RARS2: variants seen among roughly 807,000 people sequenced by gnomAD.
RARS2 encodes arginyl-tRNA synthetase 2, mitochondrial.
A neutral mutation model predicts 88.5 loss-of-function variants in RARS2; 67 were observed. The ratio of observed to expected loss-of-function variants is 0.76; its 90% confidence interval spans 0.62 to 0.93. The LOEUF (loss-of-function observed/expected upper bound fraction) is 0.93, where lower values mean the gene tolerates loss of function less well. Among genes scored for constraint, RARS2 ranks in the 40% least tolerant of loss-of-function variants. The probability of loss-of-function intolerance (pLI) is 0.00; values close to 1 mark genes in which losing one functional copy is unlikely to be tolerated. For missense variants in RARS2, 664 were observed against 684.2 expected, an observed-to-expected ratio of 0.97 and a Z score of 0.33; for synonymous variants, 239 against 230.3, an observed-to-expected ratio of 1.04 and a Z score of -0.34.
At chr6:87,524,270 G>T (rs902168786) in intron 11 of RARS2, among the ~76,000 whole-genome samples, 1 of 152,110 alleles carries the variant, frequency 6.6e-6, no homozygotes, top group Admixed American at 6.5e-5. Flanking sequence ...TTCTCCCTCA[G>T]CCTGCTTTAC....
chr6:87,582,535 G>C (rs996054541), intron 1 of RARS2, among the ~76,000 whole-genome samples: 1 of 152,152 alleles, frequency 6.6e-6, no homozygotes, highest in Non-Finnish European at 1.5e-5. Flanking sequence ...TAGGTTGCCT[G>C]TTTGCTCTGA....
In RARS2 at chr6:87,562,490, T is replaced by C. The variant is rs558475487; in HGVS notation, c.297+212A>G. 2.0e-5 allele frequency among the ~76,000 whole-genome samples: 3 copies of C among 152,256 alleles called. No individual in the cohort carries two copies. The East Asian group carries it at 5.8e-4, about 29-fold the overall frequency. On this transcript the variant is annotated intron_variant, in intron 4 of 19. Coordinates refer to ENST00000369536, the MANE Select transcript of RARS2 (RefSeq NM_020320.5). ...ATACAGTGCTATGAGAGCATATAAATGAAGGGGTCAGAAAGCTACTGCCAA... is the reference window on the plus strand; with the variant it reads ...ATACAGTGCTATGAGAGCATATAAACGAAGGGGTCAGAAAGCTACTGCCAA...
intron 1 of RARS2, among the ~76,000 whole-genome samples, chr6:87,578,341 G>C (rs1168333707): frequency 1.3e-5 from 2 of 151,744 alleles, no homozygotes; most frequent in East Asian, 3.9e-4. Flanking sequence ...CCTTTTTTCT[G>C]CCTGTATATC....
At chr6:87,544,361 G>A (rs1025760890) in intron 7 of RARS2, among the ~76,000 whole-genome samples, 1 of 152,226 alleles carries the variant, frequency 6.6e-6, no homozygotes, top group African/African-American at 2.4e-5. Context: ...TCTTCTTAGA[G>A]TGCTTCTTAT....
chr6:87,518,336 T>C, intron 16 of RARS2, 72 bp from the exon 17 acceptor site: 1 of 1,609,004 alleles, frequency 6.2e-7, no homozygotes, highest in African/African-American at 1.3e-5. Context: ...CTGCAAGTGA[T>C]GAACATGACC....
At chr6:87,589,624 G>T in intron 1 of RARS2, 1 of 957,012 alleles carries the variant, frequency 1.0e-6, no homozygotes. Context: ...GTCTAATCAT[G>T]GTCTAATGAC....
intron 12 of RARS2, 116 bp downstream of exon 12, chr6:87,521,344 AACAT>A: frequency 1.3e-6 from 1 of 785,276 alleles, no homozygotes; most frequent in South Asian, 1.6e-5. Context: ...GCCCACTTTA[AACAT>A]ACTTAATGTT....
Position 87,532,952 on chromosome 6 carries a change from G to A in RARS2, c.613-2010C>T, listed in dbSNP as rs533798088. ...TTGAATGACACAGCCATTGACAACTGCTTAACGGTCCAGTATACAGATGTT... is the reference window on the plus strand; with the variant it reads ...TTGAATGACACAGCCATTGACAACTACTTAACGGTCCAGTATACAGATGTT... On this transcript the variant is annotated intron_variant, in intron 8 of 19. Transcript: ENST00000369536. Among the ~76,000 whole-genome samples the A allele has an allele frequency of 8.5e-5, 13 of 152,232 alleles. No homozygotes were observed. The South Asian group carries it at 2.3e-3, about 27-fold the overall frequency.
Position 87,520,253 on chromosome 6 carries a change from C to T in RARS2, c.1039G>A (p.Asp347Asn), listed in dbSNP as rs142301833. Residue 347 changes from aspartate to asparagine, a missense_variant, in exon 13 of 20, where the codon GAT (aspartate) becomes AAT (asparagine). Physicochemically the swap from Asp to Asn is conservative, Grantham distance 23. Transcript: ENST00000369536. ...YNFDTMIYVTDKGQKKHFQQV... is the reference protein window; with the variant it reads ...YNFDTMIYVTNKGQKKHFQQV... ...TGAAAATGCTTTTTTTGTCCTTTAT[C>T]TGTCTTGGGAAGAAAATATATATAA... is the stretch of plus-strand genomic sequence containing the variant. 5 of 1,603,306 alleles carry T rather than the reference C, an allele frequency of 3.1e-6. No individual in the cohort carries two copies. In the African/African-American group the frequency reaches 5.3e-5, roughly 17 times the overall value.
At chr6:87,571,400 T>C (rs1409674330) in intron 1 of RARS2, among the ~76,000 whole-genome samples, 1 of 152,250 alleles carries the variant, frequency 6.6e-6, no homozygotes, top group Admixed American at 6.5e-5. Flanking sequence ...GTGTCACGCA[T>C]GTCTTTATTA....
intron 7 of RARS2, among the ~76,000 whole-genome samples, chr6:87,544,570 T>C (rs1782018960): frequency 6.6e-6 from 1 of 152,228 alleles, no homozygotes; most frequent in African/African-American, 2.4e-5. Context: ...GAAATGATAC[T>C]AGAGCTGTTT....
chr6:87,531,193 A>G (rs1255802789), intron 8 of RARS2, among the ~76,000 whole-genome samples: 2 of 152,218 alleles, frequency 1.3e-5, no homozygotes, highest in African/African-American at 4.8e-5. Context: ...CTCTGAAATA[A>G]CCAAATAGCC....
intron 4 of RARS2, among the ~76,000 whole-genome samples, chr6:87,559,583 C>T (rs1787206599): frequency 6.6e-6 from 1 of 152,030 alleles, no homozygotes; most frequent in Non-Finnish European, 1.5e-5. Context: ...CCTAACACTC[C>T]TGGGCTCAAG....
chr6:87,580,205 G>C (rs954941852), intron 1 of RARS2, among the ~76,000 whole-genome samples: 1 of 152,052 alleles, frequency 6.6e-6, no homozygotes, highest in African/African-American at 2.4e-5. Flanking sequence ...TGCTCCCTTC[G>C]GGTAGGGCTG....
In RARS2 at chr6:87,562,776, C is replaced by T. The variant is rs1330587879; in HGVS notation, c.223G>A (p.Asp75Asn). 1 of 1,612,710 alleles carries T rather than the reference C, an allele frequency of 6.2e-7. No homozygotes were observed. The highest frequency in any genetic ancestry group is 1.1e-5 in the South Asian group (1 of 91,036). Reference sequence around the variant, plus strand: ...GTACTGATTTCACTCACCACTGTATCACATCTTAGCTGAAAAGAACAAATC... The same window carrying T: ...GTACTGATTTCACTCACCACTGTATTACATCTTAGCTGAAAAGAACAAATC... ...AKRLAEKLRC[D>N]TVVSEISTGQ... The change falls in exon 4 of 20, where the codon GAT becomes AAT. Residue 75 changes from aspartate to asparagine, a missense_variant. Physicochemically the swap from Asp to Asn is conservative, Grantham distance 23. Coordinates refer to ENST00000369536, the MANE Select transcript of RARS2 (RefSeq NM_020320.5).
At chr6:87,547,804 G>A (rs1783038399) in intron 6 of RARS2, among the ~76,000 whole-genome samples, 2 of 151,682 alleles carry the variant, frequency 1.3e-5, no homozygotes, top group African/African-American at 4.8e-5. Context: ...CACACCAGCT[G>A]ATTTTTTGTA....
intron 12 of RARS2, among the ~76,000 whole-genome samples, chr6:87,520,645 A>G (rs1773532599): frequency 6.6e-6 from 1 of 152,240 alleles, no homozygotes; most frequent in Admixed American, 6.5e-5. Context: ...AGGGGAAAAG[A>G]TACTAGAATA....
At chr6:87,583,234 C>T (rs1393469551) in intron 1 of RARS2, among the ~76,000 whole-genome samples, 2 of 152,124 alleles carry the variant, frequency 1.3e-5, no homozygotes, top group Non-Finnish European at 2.9e-5. Context: ...GTTGTTGGTA[C>T]TATTATCACA....
At chr6:87,516,671 A>G in intron 18 of RARS2, 135 bp downstream of exon 18, 1 of 1,261,114 alleles carries the variant, frequency 7.9e-7, no homozygotes, top group Non-Finnish European at 1.1e-6. Context: ...GCTAATTTGT[A>G]TAGATGAAGC....
Sources: gnomAD v4.1 joint callset for allele counts (sites outside exome capture counted in the v4.1 genomes callset) on GRCh38, gnomAD v4.1.1 for gene constraint, MANE v1.5 for transcripts, NCBI Gene and HGNC (gene_info 2026-07-23, HGNC 2026-07-21) for gene names.